The following CPSF1 variants were observed in gnomAD, a reference collection of about 807,000 sequenced individuals.
CPSF1 encodes cleavage and polyadenylation specificity factor subunit 1.
A neutral mutation model predicts 175.8 loss-of-function variants in CPSF1; 106 were observed. The observed-to-expected ratio is 0.60, with a 90% CI of 0.52 to 0.71. The LOEUF is 0.71. Among genes scored for constraint, CPSF1 ranks in the 30% least tolerant of loss-of-function variants. The pLI is 0.00. For missense variants in CPSF1, 1,734 were observed against 2,022.9 expected (o/e 0.86, Z 2.74); for synonymous variants, 1,024 against 858.3 (o/e 1.19, Z -3.37).
At position 144,396,580 on chromosome 8, in the gene CPSF1, GCA is replaced by G; in HGVS notation, c.2826+16_2826+17del. 6.2e-7 allele frequency: 1 copy of G among 1,610,858 alleles called. No homozygotes were observed. Among genetic ancestry groups the G allele is most frequent in the Non-Finnish European group, 8.5e-7 (1 of 1,178,150 alleles). On this transcript the variant is annotated intron_variant, in intron 25 of 37. Coordinates refer to ENST00000616140, the MANE Select transcript of CPSF1 (RefSeq NM_013291.3). ...CGTCTCCCTTCTACCACAGACCCCT[GCA>G]AAGGCGCTGGCCTACCCCTGAGTAG... is the stretch of plus-strand genomic sequence containing the variant.
chr8:144,408,621 C>T (rs1192520412), intron 2 of CPSF1, among the ~76,000 whole-genome samples: 2 of 152,210 alleles, frequency 1.3e-5, no homozygotes, highest in Non-Finnish European at 2.9e-5. Context: ...TCCTTTATTC[C>T]CGCAGCAGCA....
chr8:144,398,491 C>CCCCAGGT (rs141269368), intron 18 of CPSF1, 34 bp downstream of exon 18: 605,400 of 1,611,908 alleles, frequency 0.38, 120,280 homozygotes, highest in East Asian at 0.66. Flanking sequence ...GGGACCCCAG[C>CCCCAGGT]CCCAGGTCCC....
At position 144,399,891 on chromosome 8, in the gene CPSF1, G is replaced by C. The variant is rs1471122465; in HGVS notation, c.1032-23C>G. The C allele has an allele frequency of 1.3e-6, 2 of 1,557,438 alleles. No individual in the cohort carries two copies. Among genetic ancestry groups the C allele is most frequent in the African/African-American group, 1.4e-5 (1 of 73,222 alleles). The stretch of plus-strand genomic sequence containing the variant: ...TAGCTGGGGGCAGGGAGAATTCTGA[G>C]TCGGGGATGGGGACCCTGGGGGAGT... On this transcript the variant is annotated intron_variant, in intron 10 of 37. Coordinates refer to ENST00000616140, the MANE Select transcript of CPSF1 (RefSeq NM_013291.3). The surrounding 1 kb of genome is among the most constrained non-coding windows in gnomAD (Gnocchi z 6.4).
Position 144,398,037 on chromosome 8 carries a change from G to A in CPSF1, c.1990C>T (p.His664Tyr), listed in dbSNP as rs542207696. 1.9e-6 allele frequency: 3 copies of A among 1,612,434 alleles called. No homozygotes were observed. Among genetic ancestry groups the A allele is most frequent in the East Asian group, 2.2e-5 (1 of 44,872 alleles). ...PYVVIMSAEG[H>Y]VTMFLLKSDS... ...CTCTTCAGCAGGAACATGGTGACGT[G>A]GCCCTCGGCACTCATGATGACCACA... The change falls in exon 20 of 38, where the codon CAC (histidine) becomes TAC (tyrosine). Residue 664 changes from histidine to tyrosine, a missense_variant. Physicochemically the swap from His to Tyr is moderately conservative, Grantham distance 83. Transcript: ENST00000616140.
At chr8:144,400,846 G>C (rs2116878868) in intron 6 of CPSF1, 29 bp from the exon 7 acceptor site, 20 of 1,611,664 alleles carry the variant, frequency 1.2e-5, no homozygotes, top group East Asian at 1.1e-4. Flanking sequence ...CAGCAGGAGA[G>C]GAGGGGAGGC....
Position 144,400,268 on chromosome 8 carries a change from C to G in CPSF1, c.835G>C (p.Val279Leu). 1 of 1,603,112 alleles carries G rather than the reference C, an allele frequency of 6.2e-7. No homozygotes were observed. Among genetic ancestry groups the G allele is most frequent in the Non-Finnish European group, 8.5e-7 (1 of 1,172,466 alleles). ...AACAGCGAGTTGACGGCAAACACCA[C>G]CACCCCACCTGGAGGTGGACACAGG... ...LAVPKPIGGV[V>L]VFAVNSLLYL... Residue 279 changes from valine (V) to leucine (L), a missense_variant, in exon 9 of 38, where the codon GTG becomes CTG. Coordinates refer to ENST00000616140, the MANE Select transcript of CPSF1 (RefSeq NM_013291.3).
intron 2 of CPSF1, among the ~76,000 whole-genome samples, chr8:144,402,556 T>C (rs1372423161): frequency 6.6e-6 from 1 of 152,092 alleles, no homozygotes; most frequent in Admixed American, 6.6e-5. Context: ...CCGCCCACCT[T>C]AGCCTCCCAA....
At chr8:144,408,169 T>C (rs1298444384) in intron 2 of CPSF1, among the ~76,000 whole-genome samples, 2 of 152,046 alleles carry the variant, frequency 1.3e-5, no homozygotes, top group East Asian at 1.9e-4. Flanking sequence ...TTGTGGAGAA[T>C]AGTCCTGACC....
intron 2 of CPSF1, among the ~76,000 whole-genome samples, chr8:144,405,092 A>C (rs1554868668): frequency 6.6e-6 from 1 of 152,146 alleles, no homozygotes; most frequent in Non-Finnish European, 1.5e-5. Flanking sequence ...TGAAAATCTG[A>C]ATAAGAGGAC....
rs1219199185 is a variant in CPSF1 at position 144,396,677 on chromosome 8, C to A, written c.2747G>T (p.Gly916Val). Residue 916 changes from glycine (G) to valine (V), a missense_variant, in exon 25 of 38, where the codon GGC becomes GTC. This residue lies in a region of CPSF1 where 585 missense variants were observed against 584.7 expected (regional missense o/e 1.00). Transcript: ENST00000616140. ...GGCCCCAGCCCCCTCCTCTGCGCCG[C>A]CACCTTCTGCTTTCTTCTTGGATGG... ...PKPSKKKAEGGGAEEGAGARG... is the reference protein window; with the variant it reads ...PKPSKKKAEGVGAEEGAGARG... 1.2e-6 allele frequency: 2 copies of A among 1,613,916 alleles called. No homozygotes were observed. The highest frequency in any genetic ancestry group is 3.3e-5 in the Admixed American group (2 of 60,020).
At chr8:144,395,662 G>T (rs1820679758) in intron 26 of CPSF1, 111 bp from the exon 27 acceptor site, 2 of 849,270 alleles carry the variant, frequency 2.4e-6, no homozygotes, top group Non-Finnish European at 1.9e-6. Flanking sequence ...GTGGGAGCAG[G>T]GGTGGGTGAG....
In CPSF1 at chr8:144,393,254, G is replaced by GTGT. The variant is rs1413052624; in HGVS notation, c.*61_*63dup. The GTGT allele has an allele frequency of 7.0e-7, 1 of 1,432,496 alleles. No homozygotes were observed. Among genetic ancestry groups the GTGT allele is most frequent in the African/African-American group, 1.4e-5 (1 of 69,554 alleles). 88.7% of individuals were successfully genotyped at this position (1,432,496 alleles called of 1,614,324 possible). On this transcript the variant is annotated 3_prime_UTR_variant, in exon 38 of 38. Coordinates refer to ENST00000616140, the MANE Select transcript of CPSF1 (RefSeq NM_013291.3). ...TCTCAAGCAAAAAATGTTTTTCCTT[G>GTGT]TGTTTTGTACAAAAAGGGGGTGGGA...
At chr8:144,406,256 T>C (rs1554869067) in intron 2 of CPSF1, among the ~76,000 whole-genome samples, 1 of 152,244 alleles carries the variant, frequency 6.6e-6, no homozygotes, top group Non-Finnish European at 1.5e-5. Flanking sequence ...CAGAGTTGTC[T>C]GTGTTCACTG....
chr8:144,396,100 C>T lies in CPSF1; in HGVS notation c.2979+248G>A. The T allele has an allele frequency of 9.1e-6, 5 of 550,844 alleles. 1 individual carries two copies. The Admixed American group carries it at 1.3e-4, about 14-fold the overall frequency. The allele number at this position is 550,844 out of a possible 1,614,324, so 34.1% of individuals were successfully genotyped here. A position where few individuals can be genotyped will look rare whatever the true frequency, so the allele number is the denominator to read the frequency against. On this transcript the variant is annotated intron_variant, in intron 26 of 37. Coordinates refer to ENST00000616140, the MANE Select transcript of CPSF1 (RefSeq NM_013291.3). ...GGAGGCCAGGCCCTGCGAGGGCTTG[C>T]CCGGCGAGCCGGCAGAGCAGTGGTG... is the stretch of plus-strand genomic sequence containing the variant.
At position 144,401,491 on chromosome 8, in the gene CPSF1, G is replaced by C. The variant is rs1554867155; in HGVS notation, c.245C>G (p.Ala82Gly). The change falls in exon 4 of 38, where the codon GCC (alanine) becomes GGC (glycine). Residue 82 changes from alanine to glycine, a missense_variant. Ala to Gly is a moderately conservative substitution (Grantham distance 60, BLOSUM62 0). Around this residue, in one of 10 missense-constraint regions of CPSF1, gnomAD observed 126 missense variants for 117.9 expected, o/e 1.07. Transcript: ENST00000616140. ...FSFFGNVMSM[A>G]SVQLAGAKRD... ...CTTGGCTCCTGCCAGCTGCACGCTG[G>C]CCATGGACATGACGTTGCCAAAGAA... 2 of 1,614,028 alleles carry C rather than the reference G, an allele frequency of 1.2e-6. No individual in the cohort carries two copies. The highest frequency in any genetic ancestry group is 2.2e-5 in the South Asian group (2 of 91,082).
intron 2 of CPSF1, among the ~76,000 whole-genome samples, chr8:144,404,849 G>C (rs959839925): frequency 2.6e-5 from 4 of 151,782 alleles, no homozygotes; most frequent in African/African-American, 7.3e-5. Flanking sequence ...GGGGTCAGGC[G>C]ATCGAGACCA....
Position 144,394,682 on chromosome 8 carries a change from G to T in CPSF1, c.3529C>A (p.His1177Asn), listed in dbSNP as rs1554862914. Reference protein sequence around the residue: ...EQKGPVTALCHCNGHLVSAIG... With the variant: ...EQKGPVTALCNCNGHLVSAIG... The stretch of plus-strand genomic sequence containing the variant: ...GCCGACACCAGGTGGCCATTGCAGT[G>T]GCACAGGGCGGTCACGGGCCCCTTC... Residue 1177 changes from histidine (H) to asparagine (N), a missense_variant, in exon 31 of 38, where the codon CAC becomes AAC. Coordinates refer to ENST00000616140, the MANE Select transcript of CPSF1 (RefSeq NM_013291.3). 1 of 1,611,852 alleles carries T rather than the reference G, an allele frequency of 6.2e-7. No individual in the cohort carries two copies. The highest frequency in any genetic ancestry group is 8.5e-7 in the Non-Finnish European group (1 of 1,179,310).
intron 9 of CPSF1, 31 bp downstream of exon 9, chr8:144,400,135 G>GGCGCCCCCCC: frequency 1.1e-6 from 1 of 896,012 alleles, no homozygotes; most frequent in Non-Finnish European, 1.6e-6. Flanking sequence ...CCGTCCCCGG[G>GGCGCCCCCCC]CCCCCCCCGC....
chr8:144,398,167 A>C lies in CPSF1; in HGVS notation c.1895-35T>G, dbSNP rs367635431. The stretch of plus-strand genomic sequence containing the variant: ...TGGGGCAGTCAGCATGCGCCTCCCC[A>C]CCACCGTCCCCACCCACCTACCTCC... On this transcript the variant is annotated intron_variant, in intron 19 of 37. Coordinates refer to ENST00000616140, the MANE Select transcript of CPSF1 (RefSeq NM_013291.3). The C allele has an allele frequency of 7.7e-3, 4,574 of 593,098 alleles. 57 individuals are homozygous for C. The highest frequency in any genetic ancestry group is 9.2e-3 in the Non-Finnish European group (3,983 of 433,418). 36.7% of individuals were successfully genotyped at this position (593,098 alleles called of 1,614,324 possible).
Sources: allele counts gnomAD v4.1 joint callset (sites outside exome capture counted in the v4.1 genomes callset), GRCh38; gene constraint gnomAD v4.1.1; regional missense constraint gnomAD v4.1.1; non-coding constraint Gnocchi (gnomAD v3.1); transcripts MANE v1.5; gene names NCBI Gene and HGNC (gene_info 2026-07-23, HGNC 2026-07-21).